ATXN1: variants seen among roughly 807,000 people sequenced by gnomAD.
ATXN1 encodes the protein ataxin-1.
Under a neutral mutation model 56.4 loss-of-function variants are expected in ATXN1, and 8 were observed. The ratio of observed to expected loss-of-function variants is 0.14; its 90% CI spans 0.08 to 0.26. The LOEUF (loss-of-function observed/expected upper bound fraction) is 0.26, where lower values mean the gene tolerates loss of function less well. Ranked by LOEUF, ATXN1 falls within the 10% of genes least tolerant of loss-of-function variation. The pLI is 1.00. For missense variants in ATXN1, 987 were observed against 1,106.5 expected, an observed-to-expected ratio of 0.89 and a Z score of 1.53; for synonymous variants, 514 against 494.6, an observed-to-expected ratio of 1.04 and a Z score of -0.52.
intron 4 of ATXN1, among the ~76,000 whole-genome samples, chr6:16,550,666 A>G (rs937284304): frequency 5.3e-5 from 8 of 152,240 alleles, no homozygotes; most frequent in African/African-American, 1.9e-4. Context: ...TAAGTCAGCC[A>G]TGGACACACA....
chr6:16,364,398 C>T (rs570934000), intron 6 of ATXN1, among the ~76,000 whole-genome samples: 1 of 152,110 alleles, frequency 6.6e-6, no homozygotes, highest in Admixed American at 6.5e-5. Flanking sequence ...TCCGCCTCCA[C>T]GTTCACACCA....
chr6:16,528,319 A>G (rs992325348), intron 4 of ATXN1, among the ~76,000 whole-genome samples: 1 of 151,588 alleles, frequency 6.6e-6, no homozygotes, highest in African/African-American at 2.4e-5. Flanking sequence ...AAAAAAAAAG[A>G]AAAACACTAA....
chr6:16,350,279 G>A (rs1386883914), intron 6 of ATXN1, among the ~76,000 whole-genome samples: 6 of 152,152 alleles, frequency 3.9e-5, no homozygotes, highest in Admixed American at 2.0e-4. Context: ...ATGATAATAC[G>A]TTTTCAAAAG....
intron 2 of ATXN1, among the ~76,000 whole-genome samples, chr6:16,687,993 TCCATGA>T (rs1459439498): frequency 6.6e-6 from 1 of 152,180 alleles, no homozygotes; most frequent in Non-Finnish European, 1.5e-5. Flanking sequence ...ATGGGACAAT[TCCATGA>T]AAACTGAGTT....
At chr6:16,700,747 G>A (rs573644816) in intron 2 of ATXN1, among the ~76,000 whole-genome samples, 6 of 152,286 alleles carry the variant, frequency 3.9e-5, no homozygotes, top group Non-Finnish European at 8.8e-5. Flanking sequence ...AGGATGGAAA[G>A]GGGATCTGGG....
At chr6:16,564,089 C>G (rs1298770365) in intron 4 of ATXN1, among the ~76,000 whole-genome samples, 1 of 152,168 alleles carries the variant, frequency 6.6e-6, no homozygotes, top group South Asian at 2.1e-4. Flanking sequence ...TGAATGACCT[C>G]CAGGCTTAGC....
chr6:16,306,265 A>C lies in ATXN1; in HGVS notation c.*64T>G, dbSNP rs546244510. ...TGTAAATACTGTGTTATTTTAGCCT[A>C]CAGTACAGTAATCTGGATACAAATG... On this transcript the variant is annotated 3_prime_UTR_variant, in exon 8 of 8. Transcript: ENST00000436367. The surrounding 1 kb of genome is among the most constrained non-coding windows in gnomAD (Gnocchi z 5.2). The C allele has an allele frequency of 1.3e-6, 2 of 1,503,196 alleles. No individual in the cohort carries two copies. Among genetic ancestry groups the C allele is most frequent in the Non-Finnish European group, 1.8e-6 (2 of 1,126,108 alleles). 93.1% of individuals were successfully genotyped at this position (1,503,196 alleles called of 1,614,324 possible). A position where few individuals can be genotyped will look rare whatever the true frequency, so the allele number is the denominator to read the frequency against.
At chr6:16,473,702 GGTGGAGTTCT>G (rs1349664238) in intron 6 of ATXN1, among the ~76,000 whole-genome samples, 1 of 152,148 alleles carries the variant, frequency 6.6e-6, no homozygotes, top group Non-Finnish European at 1.5e-5. Flanking sequence ...GAGGAACACT[GGTGGAGTTCT>G]CCCACCAGAT....
At chr6:16,411,207 C>T (rs1758793094) in intron 6 of ATXN1, among the ~76,000 whole-genome samples, 1 of 151,116 alleles carries the variant, frequency 6.6e-6, no homozygotes, top group African/African-American at 2.4e-5. Flanking sequence ...AAGATGCTTG[C>T]TGAAATCAGC....
chr6:16,400,104 A>G (rs1232001650), intron 6 of ATXN1, among the ~76,000 whole-genome samples: 1 of 152,164 alleles, frequency 6.6e-6, no homozygotes, highest in Non-Finnish European at 1.5e-5. Flanking sequence ...GGCTTCCTAG[A>G]CACTTGAAAC....
At chr6:16,752,251 T>G (rs538570816) in intron 2 of ATXN1, among the ~76,000 whole-genome samples, 1 of 152,332 alleles carries the variant, frequency 6.6e-6, no homozygotes, top group East Asian at 1.9e-4. Flanking sequence ...AAAAGTAGAA[T>G]GAGCTTCTCA....
intron 6 of ATXN1, among the ~76,000 whole-genome samples, chr6:16,335,364 T>G (rs952025515): frequency 2.0e-5 from 3 of 152,154 alleles, no homozygotes; most frequent in African/African-American, 7.2e-5. Flanking sequence ...CTGGCACAAC[T>G]TTGTAGAAGA....
chr6:16,680,133 T>C (rs915655541), intron 2 of ATXN1, among the ~76,000 whole-genome samples: 2 of 152,186 alleles, frequency 1.3e-5, no homozygotes, highest in African/African-American at 4.8e-5. Flanking sequence ...TCAATACAGA[T>C]AATAAATTCT....
intron 1 of ATXN1, among the ~76,000 whole-genome samples, chr6:16,757,583 T>C (rs1760924421): frequency 1.3e-5 from 2 of 152,158 alleles, no homozygotes; most frequent in South Asian, 4.1e-4. Flanking sequence ...TAAAAACTCA[T>C]AAACCCCCTG....
At chr6:16,341,485 G>A (rs1337858736) in intron 6 of ATXN1, among the ~76,000 whole-genome samples, 2 of 150,824 alleles carry the variant, frequency 1.3e-5, no homozygotes, top group Non-Finnish European at 2.9e-5. Flanking sequence ...CTAATTTGCA[G>A]CCAGAGGTGA....
At chr6:16,331,646 A>T (rs1326330115) in intron 6 of ATXN1, among the ~76,000 whole-genome samples, 1 of 152,248 alleles carries the variant, frequency 6.6e-6, no homozygotes, top group Non-Finnish European at 1.5e-5. Flanking sequence ...TAGGTTAATT[A>T]GCCCAAGGCA....
chr6:16,332,985 C>T (rs762110935), intron 6 of ATXN1, among the ~76,000 whole-genome samples: 7 of 152,174 alleles, frequency 4.6e-5, no homozygotes, highest in East Asian at 1.9e-4. Context: ...AGCAGCTATC[C>T]GATTAAATTT....
chr6:16,705,930 T>C (rs1028602654), intron 2 of ATXN1, among the ~76,000 whole-genome samples: 2 of 152,118 alleles, frequency 1.3e-5, no homozygotes, highest in Admixed American at 6.6e-5. Context: ...AGTCCTTGAA[T>C]GGGTCTACAT....
chr6:16,398,837 G>C (rs770765273), intron 6 of ATXN1, among the ~76,000 whole-genome samples: 15 of 152,176 alleles, frequency 9.9e-5, no homozygotes, highest in Non-Finnish European at 2.1e-4. Flanking sequence ...ACTTGGAGAA[G>C]ACTTTTCAAC....
Sources: gnomAD v4.1 joint callset for allele counts (sites outside exome capture counted in the v4.1 genomes callset) on GRCh38, gnomAD v4.1.1 for gene constraint, Gnocchi (gnomAD v3.1) non-coding constraint, MANE v1.5 for transcripts, NCBI Gene and HGNC (gene_info 2026-07-23, HGNC 2026-07-21) for gene names.